Variants in SIPA1L1 observed in about 807,000 individuals in gnomAD.
SIPA1L1 encodes the protein signal induced proliferation associated 1 like 1.
SIPA1L1 carries 26 observed loss-of-function variants against 162.7 expected under a neutral mutation model. The observed-to-expected ratio is 0.16, with a 90% CI of 0.12 to 0.22. The LOEUF is 0.22. Among genes scored for constraint, SIPA1L1 ranks in the 10% least tolerant of loss-of-function variants. The pLI is 1.00. For missense variants in SIPA1L1, 1,874 were observed against 2,241.0 expected, an observed-to-expected ratio of 0.84 and a Z score of 3.31; for synonymous variants, 829 against 837.4, an observed-to-expected ratio of 0.99 and a Z score of 0.17.
intron 2 of SIPA1L1, among the ~76,000 whole-genome samples, chr14:71,332,352 G>A (rs1240295254): frequency 2.0e-5 from 3 of 152,060 alleles, no homozygotes; most frequent in African/African-American, 7.2e-5. Context: ...TCAATGTTCT[G>A]TTCCTCTCCT....
At chr14:71,329,545 A>T (rs999367320) in intron 2 of SIPA1L1, among the ~76,000 whole-genome samples, 4 of 151,812 alleles carry the variant, frequency 2.6e-5, no homozygotes, top group Non-Finnish European at 5.9e-5. Context: ...GGCTCAAGCA[A>T]TCCTCCTGCC....
chr14:71,441,883 A>G (rs2044888222), intron 2 of SIPA1L1, among the ~76,000 whole-genome samples: 2 of 152,110 alleles, frequency 1.3e-5, no homozygotes, highest in Admixed American at 1.3e-4. Context: ...AGTAACTTAA[A>G]ATGTATGGCC....
intron 5 of SIPA1L1, among the ~76,000 whole-genome samples, chr14:71,605,892 T>C (rs1012614981): frequency 6.6e-6 from 1 of 152,134 alleles, no homozygotes; most frequent in African/African-American, 2.4e-5. Context: ...GGCAGTGGGC[T>C]GTACAGTTGT....
intron 2 of SIPA1L1, among the ~76,000 whole-genome samples, chr14:71,381,407 G>A (rs757469456): frequency 1.7e-4 from 26 of 152,036 alleles, no homozygotes; most frequent in East Asian, 3.9e-4. Flanking sequence ...CTTCATATTC[G>A]TATATTTGAA....
intron 4 of SIPA1L1, among the ~76,000 whole-genome samples, chr14:71,550,821 CAGA>C (rs1266414971): frequency 6.6e-6 from 1 of 152,044 alleles, no homozygotes; most frequent in Non-Finnish European, 1.5e-5. Context: ...GAGGCTGAAG[CAGA>C]AGGATTGCTT....
At chr14:71,661,211 T>C in intron 9 of SIPA1L1, 99 bp from the exon 10 acceptor site, 1 of 1,250,240 alleles carries the variant, frequency 8.0e-7, no homozygotes, top group Non-Finnish European at 1.1e-6. Flanking sequence ...TGTGTACTGA[T>C]TAGGAATGGA....
At chr14:71,502,253 A>AT (rs1555440974) in intron 2 of SIPA1L1, among the ~76,000 whole-genome samples, 7,383 of 89,224 alleles carry the variant, frequency 0.083, 310 homozygotes, top group East Asian at 0.28. Flanking sequence ...AAAAAAAAAA[A>AT]AAATATATAT....
intron 2 of SIPA1L1, among the ~76,000 whole-genome samples, chr14:71,416,653 C>T (rs1008584797): frequency 6.6e-6 from 1 of 151,624 alleles, no homozygotes; most frequent in Non-Finnish European, 1.5e-5. Context: ...TACTTCCTTC[C>T]TAAGTGCTAT....
At chr14:71,325,212 A>G (rs2033650892) in intron 2 of SIPA1L1, among the ~76,000 whole-genome samples, 1 of 152,184 alleles carries the variant, frequency 6.6e-6, no homozygotes. Context: ...ATGGGAAATC[A>G]ATTGGCCTCA....
At chr14:71,360,287 T>C (rs1390533743) in intron 2 of SIPA1L1, among the ~76,000 whole-genome samples, 1 of 152,216 alleles carries the variant, frequency 6.6e-6, no homozygotes, top group Non-Finnish European at 1.5e-5. Context: ...TATTTGACCT[T>C]TAGAATTCAG....
At chr14:71,643,880 T>A (rs970438480) in intron 7 of SIPA1L1, among the ~76,000 whole-genome samples, 4 of 149,818 alleles carry the variant, frequency 2.7e-5, no homozygotes, top group African/African-American at 9.8e-5. Context: ...CGATCTTGGC[T>A]CACTGCAACC....
chr14:71,368,115 TTTTG>T (rs1183501456), intron 2 of SIPA1L1, among the ~76,000 whole-genome samples: 6 of 150,704 alleles, frequency 4.0e-5, no homozygotes, highest in Middle Eastern at 6.8e-3. Flanking sequence ...TTTTTGTACA[TTTTG>T]TTTGTTTTAT....
At chr14:71,346,291 T>C (rs967525093) in intron 2 of SIPA1L1, among the ~76,000 whole-genome samples, 1 of 152,244 alleles carries the variant, frequency 6.6e-6, no homozygotes, top group Non-Finnish European at 1.5e-5. Flanking sequence ...ATCTCAACCC[T>C]GTAACTGGAG....
At chr14:71,678,747 C>T (rs572729008) in intron 12 of SIPA1L1, among the ~76,000 whole-genome samples, 9 of 151,572 alleles carry the variant, frequency 5.9e-5, no homozygotes, top group African/African-American at 9.7e-5. Flanking sequence ...TGGTAGAATT[C>T]GGCTGTGAAT....
At chr14:71,337,860 C>T (rs1053422091) in intron 2 of SIPA1L1, among the ~76,000 whole-genome samples, 17 of 152,184 alleles carry the variant, frequency 1.1e-4, no homozygotes, top group South Asian at 6.2e-4. Flanking sequence ...ATGGGAGGAT[C>T]GCATGAGGCC....
intron 2 of SIPA1L1, among the ~76,000 whole-genome samples, chr14:71,425,651 C>A (rs1328459590): frequency 6.6e-6 from 1 of 152,032 alleles, no homozygotes; most frequent in African/African-American, 2.4e-5. Flanking sequence ...TGGAAAATAT[C>A]CCATATGCTT....
chr14:71,665,416 G>A (rs1256253963), intron 10 of SIPA1L1, among the ~76,000 whole-genome samples: 1 of 152,136 alleles, frequency 6.6e-6, no homozygotes, highest in African/African-American at 2.4e-5. Flanking sequence ...TCAGAAATCA[G>A]TCACTAAGTC....
chr14:71,503,573 G>A (rs991785383), intron 2 of SIPA1L1, among the ~76,000 whole-genome samples: 4 of 152,090 alleles, frequency 2.6e-5, no homozygotes, highest in African/African-American at 9.7e-5. Context: ...GGTGCTTGAC[G>A]CTGTAAATGT....
At chr14:71,407,228 TTG>T (rs1401365118) in intron 2 of SIPA1L1, among the ~76,000 whole-genome samples, 3 of 152,138 alleles carry the variant, frequency 2.0e-5, no homozygotes, top group Admixed American at 2.0e-4. Context: ...CCTTGTACGA[TTG>T]TGTGTTAAAT....
Sources: allele counts gnomAD v4.1 joint callset (sites outside exome capture counted in the v4.1 genomes callset), GRCh38; gene constraint gnomAD v4.1.1; transcripts MANE v1.5; gene names NCBI Gene and HGNC (gene_info 2026-07-23, HGNC 2026-07-21).